TNC: variants seen among roughly 807,000 people sequenced by gnomAD.
The protein encoded by TNC is tenascin C.
Under a neutral mutation model 202.4 loss-of-function variants are expected in TNC, and 109 were observed. The observed-to-expected ratio is 0.54, with a 90% CI of 0.46 to 0.63. TNC has a LOEUF of 0.63. Ranked by LOEUF, TNC falls within the 30% of genes least tolerant of loss-of-function variation. The probability of loss-of-function intolerance (pLI) is 0.00; values close to 1 mark genes in which losing one functional copy is unlikely to be tolerated. For synonymous variants in TNC, 1,007 were observed against 1,089.7 expected (o/e 0.92, Z 1.50); for missense variants, 2,756 against 2,833.3 (o/e 0.97, Z 0.62).
At chr9:115,024,285 A>T in intron 26 of TNC, 149 bp from the exon 27 acceptor site, 1 of 748,572 alleles carries the variant, frequency 1.3e-6, no homozygotes, top group Non-Finnish European at 2.2e-6. Flanking sequence ...TTGAATGCGG[A>T]ACTGAATGGG....
chr9:115,064,266 G>GT (rs1406319885), intron 11 of TNC, among the ~76,000 whole-genome samples, 198 bp from the exon 12 acceptor site: 3 of 152,194 alleles, frequency 2.0e-5, no homozygotes, highest in Admixed American at 6.5e-5. Flanking sequence ...GTTTTTGTTT[G>GT]TTTTTTAAAT....
intron 3 of TNC, among the ~76,000 whole-genome samples, chr9:115,085,267 CA>C (rs979497190): frequency 2.4e-4 from 37 of 152,072 alleles, no homozygotes; most frequent in Middle Eastern, 6.8e-3. Context: ...ACAAAACAAT[CA>C]AAAAAACAAA....
Position 115,086,199 on chromosome 9 carries a change from C to G in TNC, c.1532G>C (p.Cys511Ser). 1 of 1,614,220 alleles carries G rather than the reference C, an allele frequency of 6.2e-7. No homozygotes were observed. The highest frequency in any genetic ancestry group is 8.5e-7 in the Non-Finnish European group (1 of 1,180,042). ...CPRDCSNRGL[C>S]VDGQCVCEDG... is the part of the protein sequence containing the mutation. Reference sequence around the variant, plus strand: ...CTCACAGACGCACTGTCCGTCCACACAGAGGCCCCTGTTGCTGCAGTCCCT... The same window carrying G: ...CTCACAGACGCACTGTCCGTCCACAGAGAGGCCCCTGTTGCTGCAGTCCCT... The change falls in exon 3 of 28, where the codon TGT (cysteine) becomes TCT (serine). Residue 511 changes from cysteine to serine, a missense_variant. Cys to Ser is a moderately radical substitution (Grantham distance 112). Transcript: ENST00000350763.
intron 26 of TNC, among the ~76,000 whole-genome samples, chr9:115,025,786 T>C (rs1003229751): frequency 6.6e-6 from 1 of 152,248 alleles, no homozygotes; most frequent in Non-Finnish European, 1.5e-5. Flanking sequence ...CCTTAATACA[T>C]GTTGTTTCCT....
chr9:115,095,561 T>TCC (rs1192037771), intron 1 of TNC, among the ~76,000 whole-genome samples: 4 of 1,936 alleles, frequency 2.1e-3, no homozygotes, highest in Non-Finnish European at 2.2e-3. Context: ...TATATGTATA[T>TCC]ATATGTATAT....
intron 26 of TNC, among the ~76,000 whole-genome samples, 165 bp downstream of exon 26, chr9:115,026,369 T>C (rs1421603770): frequency 2.0e-5 from 3 of 152,206 alleles, no homozygotes; most frequent in Admixed American, 1.3e-4. Context: ...CCCAACACTT[T>C]TGAATTGTAG....
Position 115,021,272 on chromosome 9 carries a change from TAA to T in TNC, c.6496-7_6496-6del, listed in dbSNP as rs5900112. On this transcript the variant is annotated splice_region_variant and splice_polypyrimidine_tract_variant and intron_variant, in intron 27 of 27. Transcript: ENST00000350763. ...CCAGTGGAACCAGTTAACGCCCTGT[TAA>T]AAAAAAAAAAGAGAGAGAGAGAGAG... 2,617 of 1,326,472 alleles carry T rather than the reference TAA, an allele frequency of 2.0e-3. No individual in the cohort carries two copies. The highest frequency in any genetic ancestry group is 2.2e-3 in the Non-Finnish European group (2,123 of 979,368). The allele number at this position is 1,326,472 out of a possible 1,614,324, so 82.2% of individuals were successfully genotyped here.
chr9:115,106,014 T>C (rs2482079), intron 1 of TNC, among the ~76,000 whole-genome samples: 449 of 152,214 alleles, frequency 2.9e-3, no homozygotes, highest in Non-Finnish European at 5.2e-3. Context: ...AGAGAACAAA[T>C]CCTAGACCCT....
intron 6 of TNC, among the ~76,000 whole-genome samples, chr9:115,079,331 C>A (rs1009957959): frequency 6.6e-6 from 1 of 151,716 alleles, no homozygotes; most frequent in South Asian, 2.1e-4. Context: ...TAATTTACAG[C>A]AGATTGTGAG....
At chr9:115,110,314 T>A (rs1836941147) in intron 1 of TNC, among the ~76,000 whole-genome samples, 1 of 152,212 alleles carries the variant, frequency 6.6e-6, no homozygotes, top group African/African-American at 2.4e-5. Flanking sequence ...ATCTTGAATG[T>A]CAGAATATCT....
chr9:115,088,014 A>C (rs1834930554), intron 2 of TNC, among the ~76,000 whole-genome samples: 1 of 152,100 alleles, frequency 6.6e-6, no homozygotes, highest in Admixed American at 6.5e-5. Flanking sequence ...CTATGTTATT[A>C]TTTCTTTAGT....
At chr9:115,094,972 A>G (rs1334073414) in intron 1 of TNC, among the ~76,000 whole-genome samples, 2 of 152,114 alleles carry the variant, frequency 1.3e-5, no homozygotes, top group African/African-American at 4.8e-5. Flanking sequence ...ATTGGTACCC[A>G]ATAGAAAGGT....
intron 2 of TNC, among the ~76,000 whole-genome samples, chr9:115,088,011 A>T (rs894665454): frequency 6.6e-6 from 1 of 152,132 alleles, no homozygotes; most frequent in Non-Finnish European, 1.5e-5. Context: ...CCACTATGTT[A>T]TTATTTCTTT....
At chr9:115,062,499 C>T (rs1447513347) in intron 13 of TNC, among the ~76,000 whole-genome samples, 1 of 151,632 alleles carries the variant, frequency 6.6e-6, no homozygotes, top group Non-Finnish European at 1.5e-5. Flanking sequence ...GTTCCAGCTA[C>T]TGTAGAGGCT....
intron 15 of TNC, among the ~76,000 whole-genome samples, chr9:115,051,207 A>G (rs1298750463): frequency 6.6e-6 from 1 of 152,138 alleles, no homozygotes; most frequent in Non-Finnish European, 1.5e-5. Flanking sequence ...CAAATTGAAC[A>G]TTGGCAAATG....
intron 26 of TNC, among the ~76,000 whole-genome samples, chr9:115,024,690 C>T (rs748867768): frequency 1.1e-4 from 16 of 152,056 alleles, no homozygotes; most frequent in South Asian, 2.1e-4. Flanking sequence ...ATAATTAAGC[C>T]CTTCAGACAT....
chr9:115,089,859 A>G (rs570878191), intron 2 of TNC, among the ~76,000 whole-genome samples: 1 of 152,218 alleles, frequency 6.6e-6, no homozygotes, highest in African/African-American at 2.4e-5. Flanking sequence ...AATCCCCTTG[A>G]GATTCATTTC....
chr9:115,029,035 GAAA>G (rs71375266), intron 25 of TNC, among the ~76,000 whole-genome samples: 6 of 71,210 alleles, frequency 8.4e-5, no homozygotes, highest in African/African-American at 3.2e-4. Context: ...ATTATCTCTG[GAAA>G]AAAAAAAAAA....
rs1346525637 is a variant in TNC at position 115,090,725 on chromosome 9, A to G, written c.294T>C (p.Ile98=). The part of the protein sequence containing the change: ...QEHTVDGENQ[I]VFTHRINIPR... ...GGATGTTGATGCGATGTGTGAAGAC[A>G]ATCTGGTTTTCCCCATCCACTGTGT... The change falls in exon 2 of 28, where the codon ATT becomes ATC. Residue 98 remains isoleucine (I), a synonymous_variant. Coordinates refer to ENST00000350763, the MANE Select transcript of TNC (RefSeq NM_002160.4). 1.2e-6 allele frequency: 2 copies of G among 1,614,218 alleles called. No individual in the cohort carries two copies. The highest frequency in any genetic ancestry group is 1.1e-5 in the South Asian group (1 of 91,090).
Sources: gnomAD v4.1 joint callset for allele counts (sites outside exome capture counted in the v4.1 genomes callset) on GRCh38, gnomAD v4.1.1 for gene constraint, MANE v1.5 for transcripts, NCBI Gene and HGNC (gene_info 2026-07-23, HGNC 2026-07-21) for gene names.